Variants in SEC62 observed in about 807,000 individuals in gnomAD.
SEC62 encodes translocation protein SEC62.
A neutral mutation model predicts 47.5 loss-of-function variants in SEC62; 10 were observed. The observed-to-expected ratio is 0.21, with a 90% CI of 0.13 to 0.36. The LOEUF (loss-of-function observed/expected upper bound fraction) is 0.36. Ranked by LOEUF, SEC62 falls within the 10% of genes least tolerant of loss-of-function variation. The pLI, the probability that SEC62 is intolerant of heterozygous loss-of-function variation, is 1.00. For synonymous variants in SEC62, 136 were observed against 150.5 expected, an observed-to-expected ratio of 0.90 and a Z score of 0.71; for missense variants, 327 against 464.1, an observed-to-expected ratio of 0.70 and a Z score of 2.71.
chr3:169,997,874 T>C lies in SEC62; in HGVS notation c.*4811T>C, dbSNP rs1392121907. The C allele has an allele frequency of 6.6e-6, 1 of 152,176 alleles. No homozygotes were observed. Among genetic ancestry groups the C allele is most frequent in the Non-Finnish European group, 1.5e-5 (1 of 68,032 alleles). 9.4% of individuals were successfully genotyped at this position (152,176 alleles called of 1,614,324 possible). A position where few individuals can be genotyped will look rare whatever the true frequency, so the allele number is the denominator to read the frequency against. The stretch of plus-strand genomic sequence containing the variant: ...TAATTTATGATGTGGTAGTTATAGG[T>C]GTGCATTTAATAGCCAGATCTACGA... On this transcript the variant is annotated 3_prime_UTR_variant, in exon 8 of 8. Coordinates refer to ENST00000337002, the MANE Select transcript of SEC62 (RefSeq NM_003262.4).
rs143177437 is a variant in SEC62, at chr3:169,982,735, G to A, written c.280G>A (p.Ala94Thr). ...RLLKKQFFHR[A>T]LKVMKMKYDK... ...TTTAAAGAAGCAGTTTTTTCACCGAGCCCTAAAAGTAATGAAAATGAAATA... is the reference window on the plus strand; with the variant it reads ...TTTAAAGAAGCAGTTTTTTCACCGAACCCTAAAAGTAATGAAAATGAAATA... Residue 94 changes from alanine to threonine, a missense_variant, in exon 4 of 8, where the codon GCC becomes ACC. Around this residue, in one of 3 missense-constraint regions of SEC62, gnomAD observed 126 missense variants for 161.2 expected, o/e 0.78. Transcript: ENST00000337002. 4 of 1,608,166 alleles carry A rather than the reference G, an allele frequency of 2.5e-6. No homozygotes were observed. Among genetic ancestry groups the A allele is most frequent in the East Asian group, 2.2e-5 (1 of 44,600 alleles).
chr3:169,982,574 G>A, intron 3 of SEC62, 133 bp from the exon 4 acceptor site: 1 of 1,024,694 alleles, frequency 9.8e-7, no homozygotes, highest in Non-Finnish European at 1.5e-6. Context: ...TTTTTCACGG[G>A]CATACTAGTT....
At position 169,992,897 on chromosome 3, in the gene SEC62, G is replaced by C. The variant is rs1352920986; in HGVS notation, c.1034G>C (p.Ser345Thr). The change falls in exon 8 of 8, where the codon AGT becomes ACT. Residue 345 changes from serine (S) to threonine (T), a missense_variant. Ser to Thr is a moderately conservative substitution (Grantham distance 58, BLOSUM62 1). Around this residue, in one of 3 missense-constraint regions of SEC62, gnomAD observed 102 missense variants for 108.8 expected, o/e 0.94. Transcript: ENST00000337002. This position sits in a 1 kb window ranked among gnomAD's most constrained non-coding sequence, Gnocchi z 4.0. ...SGGERHSDTD[S>T]DRREDDRSQH... is the part of the protein sequence containing the mutation. Reference sequence around the variant, plus strand: ...GGAGAACGGCATTCAGACACGGACAGTGACAGGAGGGAAGATGATCGATCC... The same window carrying C: ...GGAGAACGGCATTCAGACACGGACACTGACAGGAGGGAAGATGATCGATCC... 5 of 1,614,050 alleles carry C rather than the reference G, an allele frequency of 3.1e-6. No homozygotes were observed. Among genetic ancestry groups the C allele is most frequent in the Non-Finnish European group, 4.2e-6 (5 of 1,180,006 alleles).
rs1013779523 is a variant in SEC62 at position 169,995,590 on chromosome 3, CAAGAA to C, written c.*2531_*2535del. On this transcript the variant is annotated 3_prime_UTR_variant, in exon 8 of 8. Coordinates refer to ENST00000337002, the MANE Select transcript of SEC62 (RefSeq NM_003262.4). The stretch of plus-strand genomic sequence containing the variant: ...ATCATGAGGATCAGTTAGCTGCTGA[CAAGAA>C]AAGTCATCTTGTGTCTTTTGTAAAT... 2 of 152,032 alleles carry C rather than the reference CAAGAA, an allele frequency of 1.3e-5. No homozygotes were observed. 9.4% of individuals were successfully genotyped at this position (152,032 alleles called of 1,614,324 possible).
Position 169,992,065 on chromosome 3 carries a change from A to G in SEC62, c.731-529A>G, listed in dbSNP as rs1370938473. ...GATGCAGCCCTGCTTTTCCTTCTTA[A>G]AGGCTTCCTTCCTAAACACCTTTCA... On this transcript the variant is annotated intron_variant, in intron 7 of 7. Coordinates refer to ENST00000337002, the MANE Select transcript of SEC62 (RefSeq NM_003262.4). The surrounding 1 kb of genome is among the most constrained non-coding windows in gnomAD (Gnocchi z 4.0). Among the ~76,000 whole-genome samples the G allele has an allele frequency of 6.6e-6, 1 of 152,106 alleles. No individual in the cohort carries two copies. Among genetic ancestry groups the G allele is most frequent in the Non-Finnish European group, 1.5e-5 (1 of 68,014 alleles).
rs561559859 is a variant in SEC62 at position 169,991,741 on chromosome 3, A to G, written c.731-853A>G. Among the ~76,000 whole-genome samples the G allele has an allele frequency of 6.6e-5, 10 of 152,222 alleles. No individual in the cohort carries two copies. The South Asian group carries it at 2.1e-3, about 32-fold the overall frequency. ...AGAAAACAAGGATTAAAAGATGGAA[A>G]CTTTCTAATACTGGGGTTCCTTATC... On this transcript the variant is annotated intron_variant, in intron 7 of 7. Coordinates refer to ENST00000337002, the MANE Select transcript of SEC62 (RefSeq NM_003262.4).
At chr3:169,975,006 G>A (rs1268278837) in intron 1 of SEC62, among the ~76,000 whole-genome samples, 1 of 152,122 alleles carries the variant, frequency 6.6e-6, no homozygotes, top group East Asian at 1.9e-4. Flanking sequence ...ATAGGCCGGT[G>A]ACGATGGCTC....
At position 169,992,387 on chromosome 3, in the gene SEC62, G is replaced by A. The variant is rs767241735; in HGVS notation, c.731-207G>A. 3.9e-5 allele frequency among the ~76,000 whole-genome samples: 6 copies of A among 152,028 alleles called. No individual in the cohort carries two copies. The highest frequency in any genetic ancestry group is 7.4e-5 in the Non-Finnish European group (5 of 68,020). ...TGTAATTATAGCTCACTGCAGCCTC[G>A]AGCTCCTGGGCTCAAGTGATCCTCC... On this transcript the variant is annotated intron_variant, in intron 7 of 7. Coordinates refer to ENST00000337002, the MANE Select transcript of SEC62 (RefSeq NM_003262.4). The surrounding 1 kb of genome is among the most constrained non-coding windows in gnomAD (Gnocchi z 4.0).
At chr3:169,990,762 T>G (rs1715231507) in intron 7 of SEC62, among the ~76,000 whole-genome samples, 2 of 152,210 alleles carry the variant, frequency 1.3e-5, no homozygotes, top group Admixed American at 1.3e-4. Flanking sequence ...CACGAAAGAT[T>G]CTAATGTGTA....
intron 3 of SEC62, among the ~76,000 whole-genome samples, chr3:169,977,302 AG>A (rs1401154506): frequency 6.6e-6 from 1 of 152,190 alleles, no homozygotes; most frequent in Admixed American, 6.5e-5. Context: ...CAGCAACAAA[AG>A]TCATATACCA....
At chr3:169,973,778 T>C in intron 1 of SEC62, among the ~76,000 whole-genome samples, 1 of 152,240 alleles carries the variant, frequency 6.6e-6, no homozygotes, top group Non-Finnish European at 1.5e-5. Flanking sequence ...ATTTGGGCTC[T>C]TAATTTTTAT....
At position 169,992,830 on chromosome 3, in the gene SEC62, G is replaced by A. The variant is rs1283847389; in HGVS notation, c.967G>A (p.Gly323Arg). ...SDSEKKEDEE[G>R]KVGPGNHGTE... ...CAGTGAGAAAAAGGAAGATGAGGAGGGGAAAGTAGGACCAGGAAATCATGG... is the reference window on the plus strand; with the variant it reads ...CAGTGAGAAAAAGGAAGATGAGGAGAGGAAAGTAGGACCAGGAAATCATGG... The change falls in exon 8 of 8, where the codon GGG becomes AGG. Residue 323 changes from glycine to arginine, a missense_variant. Gly to Arg is a moderately radical substitution (Grantham distance 125, BLOSUM62 -2). This residue lies in a region of SEC62 where 102 missense variants were observed against 108.8 expected (regional missense o/e 0.94). Coordinates refer to ENST00000337002, the MANE Select transcript of SEC62 (RefSeq NM_003262.4). This position sits in a 1 kb window ranked among gnomAD's most constrained non-coding sequence, Gnocchi z 4.0. 3.7e-6 allele frequency: 6 copies of A among 1,614,010 alleles called. No individual in the cohort carries two copies. Among genetic ancestry groups the A allele is most frequent in the Non-Finnish European group, 5.1e-6 (6 of 1,179,992 alleles).
In SEC62 at chr3:169,966,833, G is replaced by A; in HGVS notation, c.11G>A (p.Arg4His). Residue 4 changes from arginine to histidine, a missense_variant, in exon 1 of 8, where the codon CGC (arginine) becomes CAC (histidine). Arg to His is a conservative substitution (Grantham distance 29). Transcript: ENST00000337002. ...GGCGGAGCGGCCAACATGGCGGAAC[G>A]CAGGAGACACAAGAAGCGGATCCAG... is the stretch of plus-strand genomic sequence containing the variant. MAE[R>H]RRHKKRIQEV... 1 of 1,555,194 alleles carries A rather than the reference G, an allele frequency of 6.4e-7. No individual in the cohort carries two copies. Among genetic ancestry groups the A allele is most frequent in the Non-Finnish European group, 8.7e-7 (1 of 1,149,108 alleles).
At chr3:169,974,222 A>G (rs1714772854) in intron 1 of SEC62, among the ~76,000 whole-genome samples, 1 of 152,170 alleles carries the variant, frequency 6.6e-6, no homozygotes, top group African/African-American at 2.4e-5. Context: ...TTATTCTTTA[A>G]TGAAGCAGCC....
At chr3:169,974,777 T>A (rs1305571380) in intron 1 of SEC62, among the ~76,000 whole-genome samples, 2 of 152,208 alleles carry the variant, frequency 1.3e-5, no homozygotes, top group African/African-American at 4.8e-5. Flanking sequence ...TGTCATTGTG[T>A]CAGTAGTTCT....
intron 1 of SEC62, among the ~76,000 whole-genome samples, chr3:169,967,638 CT>C (rs551438460): frequency 1.3e-5 from 2 of 152,142 alleles, no homozygotes; most frequent in Non-Finnish European, 2.9e-5. Context: ...GCATTTCTTC[CT>C]TGCGATTTTC....
chr3:169,978,130 T>C (rs541373331), intron 3 of SEC62, among the ~76,000 whole-genome samples: 79 of 152,006 alleles, frequency 5.2e-4, no homozygotes, highest in African/African-American at 1.6e-3. Flanking sequence ...ATACAAAAAA[T>C]TAGCCAGGTG....
intron 6 of SEC62, 83 bp downstream of exon 6, chr3:169,985,948 C>G (rs556649434): frequency 2.3e-6 from 2 of 880,196 alleles, no homozygotes; most frequent in African/African-American, 1.7e-5. Flanking sequence ...GAAAATGTTC[C>G]TAAATTTAAC....
At chr3:169,985,555 G>A (rs1375717731) in intron 5 of SEC62, 1 of 301,964 alleles carries the variant, frequency 3.3e-6, no homozygotes, top group East Asian at 6.0e-5. Context: ...AAATTTTTAA[G>A]TGTATGTAAG....
Sources: allele counts gnomAD v4.1 joint callset (sites outside exome capture counted in the v4.1 genomes callset), GRCh38; gene constraint gnomAD v4.1.1; regional missense constraint gnomAD v4.1.1; non-coding constraint Gnocchi (gnomAD v3.1); transcripts MANE v1.5; gene names NCBI Gene and HGNC (gene_info 2026-07-23, HGNC 2026-07-21).